The following WASHC2A variants were observed in gnomAD, a reference collection of about 807,000 sequenced individuals.
WASHC2A encodes the protein WASH complex subunit 2A.
WASHC2A carries 82 observed loss-of-function variants against 140.3 expected under a neutral mutation model. That is an observed-to-expected ratio of 0.58 (90% CI 0.49 to 0.70). The LOEUF (loss-of-function observed/expected upper bound fraction) is 0.70. Among genes scored for constraint, WASHC2A ranks in the 30% least tolerant of loss-of-function variants. The pLI, the probability that WASHC2A is intolerant of heterozygous loss-of-function variation, is 0.00. For synonymous variants in WASHC2A, 340 were observed against 560.8 expected, an observed-to-expected ratio of 0.61 and a Z score of 5.56; for missense variants, 985 against 1,521.8, an observed-to-expected ratio of 0.65 and a Z score of 5.87.
At chr10:50,095,036 T>C in intron 13 of WASHC2A, 112 bp from the exon 14 acceptor site, 1 of 1,580,994 alleles carries the variant, frequency 6.3e-7, no homozygotes. Flanking sequence ...GAAAAAGTGG[T>C]TTCAAAAGGT....
At chr10:50,081,134 G>A (rs1838842684) in intron 5 of WASHC2A, among the ~76,000 whole-genome samples, 1 of 150,234 alleles carries the variant, frequency 6.7e-6, no homozygotes, top group Non-Finnish European at 1.5e-5. Context: ...ATGTCAAGTT[G>A]GGGTGCAAAG....
intron 3 of WASHC2A, among the ~76,000 whole-genome samples, chr10:50,072,656 T>G (rs1314764685): frequency 9.9e-5 from 15 of 151,742 alleles, no homozygotes; most frequent in African/African-American, 3.4e-4. Context: ...CTGGCTAATT[T>G]TTTTTGCATT....
chr10:50,070,103 A>G (rs1837669179), intron 3 of WASHC2A, among the ~76,000 whole-genome samples: 1 of 152,188 alleles, frequency 6.6e-6, no homozygotes, highest in African/African-American at 2.4e-5. Context: ...TTCTGTTCTG[A>G]TAAATTATAT....
intron 17 of WASHC2A, among the ~76,000 whole-genome samples, chr10:50,101,129 TTGAGGCTATCAC>T (rs1214710559): frequency 1.3e-5 from 2 of 152,308 alleles, no homozygotes; most frequent in African/African-American, 4.8e-5. Context: ...AAGAATACCT[TTGAGGCTATCAC>T]TGAAGGCGAG....
chr10:50,099,500 G>A (rs1589220010), intron 16 of WASHC2A, among the ~76,000 whole-genome samples: 1 of 151,186 alleles, frequency 6.6e-6, no homozygotes, highest in Non-Finnish European at 1.5e-5. Flanking sequence ...TGCTCAGATT[G>A]ACCTGCATTT....
At chr10:50,081,696 G>A (rs1554879755) in intron 5 of WASHC2A, among the ~76,000 whole-genome samples, 2 of 151,152 alleles carry the variant, frequency 1.3e-5, no homozygotes, top group African/African-American at 4.9e-5. Context: ...TGCATGGCAC[G>A]ATGTTGGCTC....
chr10:50,095,190 C>T lies in WASHC2A; in HGVS notation c.1223C>T (p.Ala408Val). ...SKPGKKIPAG[A>V]VSVFLGDTDV... Reference sequence around the variant, plus strand: ...CCTGGAAAGAAAATCCCAGCAGGAGCTGTTTCTGTATTTTTAGGTAACATA... The same window carrying T: ...CCTGGAAAGAAAATCCCAGCAGGAGTTGTTTCTGTATTTTTAGGTAACATA... The change falls in exon 14 of 31, where the codon GCT (alanine) becomes GTT (valine). Residue 408 changes from alanine (A) to valine (V), a missense_variant. By Grantham distance (64) the Ala-to-Val change is moderately conservative. Transcript: ENST00000282633. 1.3e-6 allele frequency: 2 copies of T among 1,590,432 alleles called. No individual in the cohort carries two copies. Among genetic ancestry groups the T allele is most frequent in the Non-Finnish European group, 1.7e-6 (2 of 1,167,156 alleles).
chr10:50,086,327 A>G (rs1260660681), intron 7 of WASHC2A, among the ~76,000 whole-genome samples: 3 of 151,394 alleles, frequency 2.0e-5, no homozygotes, highest in Non-Finnish European at 4.4e-5. Context: ...AGCAGTGCTC[A>G]TTAGGGGAAT....
In WASHC2A at chr10:50,127,144, A is replaced by G. The variant is rs1380475057; in HGVS notation, c.2812-16A>G. On this transcript the variant is annotated splice_polypyrimidine_tract_variant and intron_variant, in intron 26 of 30. Transcript: ENST00000282633. ...GTTTCCCAAATGGATTTTTAACTGG[A>G]TGTAATTTTACACAGGACTCATCAG... 13 of 1,611,934 alleles carry G rather than the reference A, an allele frequency of 8.1e-6. No individual in the cohort carries two copies. The Admixed American group carries it at 1.5e-4, about 19-fold the overall frequency.
chr10:50,084,739 C>G (rs1254326761), intron 6 of WASHC2A, among the ~76,000 whole-genome samples: 1 of 140,644 alleles, frequency 7.1e-6, no homozygotes, highest in African/African-American at 2.7e-5. Flanking sequence ...GTTTTTCTTT[C>G]TTTCTTTCTT....
chr10:50,127,026 A>G lies in WASHC2A; in HGVS notation c.2812-134A>G. Reference sequence around the variant, plus strand: ...AGTGAAACATCAGGCCCCAGGAGAGATTTGAATGCCTTTCCCATTAAAGAG... The same window carrying G: ...AGTGAAACATCAGGCCCCAGGAGAGGTTTGAATGCCTTTCCCATTAAAGAG... On this transcript the variant is annotated intron_variant, in intron 26 of 30. Transcript: ENST00000282633. The G allele has an allele frequency of 6.6e-6, 7 of 1,062,552 alleles. No homozygotes were observed. The South Asian group carries it at 7.7e-5, about 12-fold the overall frequency. The allele number at this position is 1,062,552 out of a possible 1,614,324, so 65.8% of individuals were successfully genotyped here.
intron 29 of WASHC2A, 34 bp downstream of exon 29, chr10:50,130,073 T>TA (rs1179528051): frequency 6.2e-7 from 1 of 1,611,250 alleles, no homozygotes; most frequent in African/African-American, 1.3e-5. Flanking sequence ...GTGTCTGTTC[T>TA]AAGTTAAGGA....
rs1420277965 is a variant in WASHC2A, at chr10:50,101,966, C to T, written c.1635+1902C>T. ...TAGGGGAGAGTCCTCAGAGAGAGCC[C>T]GATGGAGGCCATGTTGCCTTCTTTG... On this transcript the variant is annotated intron_variant, in intron 17 of 30. Coordinates refer to ENST00000282633, the MANE Select transcript of WASHC2A (RefSeq NM_001005751.3). Among the ~76,000 whole-genome samples, 142 of 152,268 alleles carry T rather than the reference C, an allele frequency of 9.3e-4. 2 individuals are homozygous for T. In the East Asian group the frequency reaches 0.026, roughly 28 times the overall value.
Position 50,068,210 on chromosome 10 carries a change from C to A in WASHC2A, c.109C>A (p.Leu37Met). 1 of 1,586,152 alleles carries A rather than the reference C, an allele frequency of 6.3e-7. No individual in the cohort carries two copies. Among genetic ancestry groups the A allele is most frequent in the African/African-American group, 1.4e-5 (1 of 73,808 alleles). ...CCGCAGGAGCAGCCAGAGCTGGTCG[C>A]TGGCGGCCGACGCGGGCGTGAGAGG... ...EIRRSSQSWS[L>M]AADAGLLQFL... The change falls in exon 2 of 31, where the codon CTG (leucine) becomes ATG (methionine). Residue 37 changes from leucine to methionine, a missense_variant. Physicochemically the swap from Leu to Met is conservative, Grantham distance 15. Coordinates refer to ENST00000282633, the MANE Select transcript of WASHC2A (RefSeq NM_001005751.3).
In WASHC2A at chr10:50,091,472, C is replaced by G; in HGVS notation, c.885C>G (p.Ala295=). 6.4e-7 allele frequency: 1 copy of G among 1,550,720 alleles called. No homozygotes were observed. Among genetic ancestry groups the G allele is most frequent in the Non-Finnish European group, 8.7e-7 (1 of 1,147,266 alleles). The change falls in exon 10 of 31, where the codon GCC becomes GCG. Residue 295 remains alanine (A), a synonymous_variant. Transcript: ENST00000282633. ...CATCGTTTGCAGATGAGCTGGCTGC[C>G]CGCATCAAGGGGGATGCCGTGGGTC... ...RPTSFADELA[A]RIKGDAVGRV... is the part of the protein sequence containing the mutation.
intron 15 of WASHC2A, among the ~76,000 whole-genome samples, chr10:50,097,452 C>T (rs1314919282): frequency 4.1e-5 from 6 of 146,358 alleles, no homozygotes; most frequent in Admixed American, 1.4e-4. Context: ...ATGTCAGCCA[C>T]GTGGATAAAC....
intron 3 of WASHC2A, among the ~76,000 whole-genome samples, chr10:50,076,805 C>T (rs1306836285): frequency 6.7e-6 from 1 of 148,970 alleles, no homozygotes; most frequent in African/African-American, 2.5e-5. Context: ...ATGGTGAAAC[C>T]CCATCTCTAC....
intron 30 of WASHC2A, chr10:50,131,349 A>G (rs1156988479): frequency 3.2e-6 from 2 of 624,076 alleles, no homozygotes; most frequent in South Asian, 3.2e-5. Context: ...CACCTCACCA[A>G]TCATCTGTGA....
In WASHC2A at chr10:50,099,988, C is replaced by T. The variant is rs1554886173; in HGVS notation, c.1559C>T (p.Ser520Phe). The change falls in exon 17 of 31, where the codon TCT becomes TTT. Residue 520 changes from serine to phenylalanine, a missense_variant. By Grantham distance (155) the Ser-to-Phe change is radical. Transcript: ENST00000282633. ...CCACCCCCGACAAAGGTTACCTTAT[C>T]TTCCAGCAAAAATCTCAAGCCCTCA... ...KARAEKKVTLSSSKNLKPSSE... is the reference protein window; with the variant it reads ...KARAEKKVTLFSSKNLKPSSE... The T allele has an allele frequency of 4.1e-6, 6 of 1,456,276 alleles. No individual in the cohort carries two copies. Among genetic ancestry groups the T allele is most frequent in the South Asian group, 2.4e-5 (2 of 83,694 alleles). 90.2% of individuals were successfully genotyped at this position (1,456,276 alleles called of 1,614,324 possible).
Sources: allele counts gnomAD v4.1 joint callset (sites outside exome capture counted in the v4.1 genomes callset), GRCh38; gene constraint gnomAD v4.1.1; transcripts MANE v1.5; gene names NCBI Gene and HGNC (gene_info 2026-07-23, HGNC 2026-07-21).